Variants in ANK3 observed in about 807,000 individuals in gnomAD.
ANK3 encodes the protein ankyrin-3.
Under a neutral mutation model 370.9 loss-of-function variants are expected in ANK3, and 57 were observed. That is an observed-to-expected ratio of 0.15 (90% CI 0.12 to 0.19). The LOEUF is 0.19. Among genes scored for constraint, ANK3 ranks in the 10% least tolerant of loss-of-function variants. The pLI, the probability that ANK3 is intolerant of heterozygous loss-of-function variation, is 1.00. For missense variants in ANK3, 4,439 were observed against 5,302.1 expected (o/e 0.84, Z 5.06); for synonymous variants, 1,929 against 1,946.3 (o/e 0.99, Z 0.23).
chr10:60,046,804 C>T (rs1002680456), intron 42 of ANK3, among the ~76,000 whole-genome samples: 1 of 125,716 alleles, frequency 8.0e-6, no homozygotes, highest in Non-Finnish European at 1.6e-5. Context: ...AGAAAGTAAT[C>T]TCAATTTTTT....
intron 41 of ANK3, among the ~76,000 whole-genome samples, chr10:60,057,410 T>A (rs1360443953): frequency 6.6e-6 from 1 of 152,190 alleles, no homozygotes; most frequent in African/African-American, 2.4e-5. Flanking sequence ...TTTATATGTA[T>A]AATATATACT....
chr10:60,176,179 C>CAAAAAAAAAAA (rs1328240039), intron 18 of ANK3, among the ~76,000 whole-genome samples: 1 of 79,984 alleles, frequency 1.3e-5, no homozygotes, highest in East Asian at 3.3e-4. Context: ...GCTAAAAATA[C>CAAAAAAAAAAA]AAAAAAAAAA....
At chr10:60,287,517 G>A (rs1055400947) in intron 1 of ANK3, among the ~76,000 whole-genome samples, 36 of 152,160 alleles carry the variant, frequency 2.4e-4, no homozygotes, top group African/African-American at 8.7e-4. Flanking sequence ...AATTAAATGA[G>A]TGCCTACTAT....
chr10:60,620,845 C>T (rs915969551), intron 1 of ANK3, among the ~76,000 whole-genome samples: 2 of 151,990 alleles, frequency 1.3e-5, no homozygotes, highest in Non-Finnish European at 2.9e-5. Context: ...ACAAGTAAAA[C>T]AGCCTTTTGG....
At chr10:60,693,552 T>C (rs1324983969) in intron 1 of ANK3, among the ~76,000 whole-genome samples, 2 of 152,222 alleles carry the variant, frequency 1.3e-5, no homozygotes, top group South Asian at 2.1e-4. Flanking sequence ...GCTGGAGATC[T>C]GAGAACGGGC....
At chr10:60,384,897 C>T (rs1176849880) in intron 1 of ANK3, among the ~76,000 whole-genome samples, 2 of 152,130 alleles carry the variant, frequency 1.3e-5, no homozygotes, top group African/African-American at 4.8e-5. Flanking sequence ...TGAGTCTTCC[C>T]CTAAATATCT....
chr10:60,484,952 CTT>C (rs2075313207), intron 2 of ANK3, among the ~76,000 whole-genome samples: 1 of 152,048 alleles, frequency 6.6e-6, no homozygotes. Flanking sequence ...ATGACATTGA[CTT>C]AACTAGATCA....
chr10:60,699,312 AAAAC>A (rs1335423293), intron 1 of ANK3, among the ~76,000 whole-genome samples: 1 of 152,150 alleles, frequency 6.6e-6, no homozygotes, highest in Non-Finnish European at 1.5e-5. Context: ...TATAATAATA[AAAAC>A]AAACAGGAAA....
intron 1 of ANK3, among the ~76,000 whole-genome samples, chr10:60,322,099 T>C (rs2048799477): frequency 6.6e-6 from 1 of 152,220 alleles, no homozygotes. Context: ...ATTTTTATAA[T>C]AAAGACATTT....
chr10:60,694,240 G>A (rs1212524759), intron 1 of ANK3, among the ~76,000 whole-genome samples: 1 of 152,178 alleles, frequency 6.6e-6, no homozygotes, highest in Non-Finnish European at 1.5e-5. Context: ...CAAGAAATAT[G>A]GGACTATGTG....
intron 2 of ANK3, among the ~76,000 whole-genome samples, chr10:60,523,140 CTG>C (rs200393066): frequency 0.022 from 3,341 of 152,140 alleles, 60 homozygotes; most frequent in Middle Eastern, 0.048. Flanking sequence ...ACAGCCTTTC[CTG>C]GTATATGCAG....
chr10:60,177,901 T>A (rs2096023030), intron 18 of ANK3, among the ~76,000 whole-genome samples: 2 of 152,162 alleles, frequency 1.3e-5, no homozygotes, highest in Admixed American at 1.3e-4. Context: ...CTTTTAATTA[T>A]CTCTCTAATT....
chr10:60,059,520 CCTT>C (rs2079913389), intron 40 of ANK3, 90 bp from the exon 41 acceptor site: 3 of 1,287,176 alleles, frequency 2.3e-6, no homozygotes, highest in Middle Eastern at 1.8e-4. Flanking sequence ...AGACTCTACT[CCTT>C]CTTCAAGTTG....
intron 2 of ANK3, among the ~76,000 whole-genome samples, chr10:60,501,457 CAT>C (rs1173276282): frequency 7.2e-5 from 11 of 152,266 alleles, no homozygotes; most frequent in African/African-American, 2.2e-4. Context: ...GTAATCTCAG[CAT>C]TTTAGGAGGC....
chr10:60,408,080 C>T (rs780613538), intron 2 of ANK3, among the ~76,000 whole-genome samples: 1 of 152,204 alleles, frequency 6.6e-6, no homozygotes, highest in Non-Finnish European at 1.5e-5. Flanking sequence ...CATTTTCTTT[C>T]TGGCTTCTCT....
At chr10:60,447,877 A>G (rs2064491976) in intron 2 of ANK3, among the ~76,000 whole-genome samples, 1 of 152,188 alleles carries the variant, frequency 6.6e-6, no homozygotes, top group South Asian at 2.1e-4. Context: ...GTTGTGACCG[A>G]TAATTTTAAG....
chr10:60,144,886 C>T (rs1300475588), intron 23 of ANK3, among the ~76,000 whole-genome samples: 1 of 152,062 alleles, frequency 6.6e-6, no homozygotes, highest in Non-Finnish European at 1.5e-5. Flanking sequence ...TTTTTCATGT[C>T]GAATAAAGGA....
intron 1 of ANK3, among the ~76,000 whole-genome samples, chr10:60,387,223 A>G (rs552004045): frequency 1.6e-4 from 24 of 152,212 alleles, no homozygotes; most frequent in African/African-American, 5.8e-4. Flanking sequence ...CCCCATAATA[A>G]CCCACAAAAT....
chr10:60,102,464 A>G (rs1483727990), intron 28 of ANK3, among the ~76,000 whole-genome samples: 2 of 152,156 alleles, frequency 1.3e-5, no homozygotes, highest in Non-Finnish European at 2.9e-5. Flanking sequence ...TGAGTGCTTC[A>G]TTACGGTCAC....
Sources: gnomAD v4.1 joint callset for allele counts (sites outside exome capture counted in the v4.1 genomes callset) on GRCh38, gnomAD v4.1.1 for gene constraint, MANE v1.5 for transcripts, NCBI Gene and HGNC (gene_info 2026-07-23, HGNC 2026-07-21) for gene names.